CDH22: variants seen among roughly 807,000 people sequenced by gnomAD.
The protein encoded by CDH22 is cadherin-22.
In CDH22, 30 loss-of-function variants were observed where a neutral mutation model predicts 58.4. That is an observed-to-expected ratio of 0.51 (90% CI 0.38 to 0.70). The LOEUF (loss-of-function observed/expected upper bound fraction) is 0.70, where lower values mean the gene tolerates loss of function less well. Ranked by LOEUF, CDH22 falls within the 30% of genes least tolerant of loss-of-function variation. The pLI, the probability that CDH22 is intolerant of heterozygous loss-of-function variation, is 0.00. For missense variants in CDH22, 1,014 were observed against 1,233.9 expected (o/e 0.82, Z 2.67); for synonymous variants, 513 against 558.2 (o/e 0.92, Z 1.14).
chr20:46,182,142 G>A (rs1040811485), intron 10 of CDH22, among the ~76,000 whole-genome samples: 1 of 152,154 alleles, frequency 6.6e-6, no homozygotes, highest in African/African-American at 2.4e-5. Context: ...TTTCTTAAAA[G>A]CAACAGGAGG....
chr20:46,207,213 G>C (rs1380722263), intron 7 of CDH22, among the ~76,000 whole-genome samples: 1 of 152,210 alleles, frequency 6.6e-6, no homozygotes, highest in Non-Finnish European at 1.5e-5. Context: ...GATGAAAGAA[G>C]GTGAGAAGCA....
chr20:46,265,211 C>T (rs540923611), intron 1 of CDH22, among the ~76,000 whole-genome samples: 74 of 152,276 alleles, frequency 4.9e-4, no homozygotes, highest in Non-Finnish European at 7.2e-4. Context: ...ATTTTACAAA[C>T]GCGTCCGGAT....
chr20:46,263,585 G>A (rs2086444556), intron 1 of CDH22, among the ~76,000 whole-genome samples: 1 of 152,180 alleles, frequency 6.6e-6, no homozygotes, highest in Admixed American at 6.5e-5. Context: ...ATTAGGGATG[G>A]GTGGGGCAAG....
intron 7 of CDH22, among the ~76,000 whole-genome samples, chr20:46,209,361 G>T (rs185434880): frequency 4.9e-4 from 74 of 152,256 alleles, no homozygotes; most frequent in Admixed American, 2.9e-3. Flanking sequence ...CAGCAGAGTG[G>T]ACTGGAAAGG....
chr20:46,186,723 G>A lies in CDH22; in HGVS notation c.1546-18C>T. 1 of 1,611,790 alleles carries A rather than the reference G, an allele frequency of 6.2e-7. No individual in the cohort carries two copies. Among genetic ancestry groups the A allele is most frequent in the Non-Finnish European group, 8.5e-7 (1 of 1,178,340 alleles). ...TGGATGAGCTGAAGGGTGAGGAGGG[G>A]ATAGAGGGCTAGTGGTGAGGCTGAG... On this transcript the variant is annotated intron_variant, in intron 9 of 11. Coordinates refer to ENST00000537909, the MANE Select transcript of CDH22 (RefSeq NM_021248.3).
At chr20:46,291,017 C>T (rs933837214) in intron 1 of CDH22, among the ~76,000 whole-genome samples, 3 of 152,166 alleles carry the variant, frequency 2.0e-5, no homozygotes, top group African/African-American at 7.2e-5. Flanking sequence ...GTGGCTCACT[C>T]CTGTAATCCC....
intron 8 of CDH22, among the ~76,000 whole-genome samples, chr20:46,188,032 G>A (rs1348748889): frequency 2.0e-5 from 3 of 152,198 alleles, no homozygotes; most frequent in East Asian, 1.9e-4. Flanking sequence ...AAGTTGGGAC[G>A]TCTTTAAGAT....
rs180942942 is a variant in CDH22 at position 46,195,069 on chromosome 20, T to G, written c.1423+4354A>C. ...TTAATAGTTACCATTGTCACAGCTA[T>G]CTGGTAAACTAAGTATGATTGTCAC... On this transcript the variant is annotated intron_variant, in intron 8 of 11. Transcript: ENST00000537909. Among the ~76,000 whole-genome samples, 7 of 152,350 alleles carry G rather than the reference T, an allele frequency of 4.6e-5. No homozygotes were observed. In the East Asian group the frequency reaches 1.4e-3, roughly 29 times the overall value.
chr20:46,226,289 CTTCT>C (rs2086173979), intron 4 of CDH22, among the ~76,000 whole-genome samples: 1 of 3,544 alleles, frequency 2.8e-4, no homozygotes, highest in Non-Finnish European at 1.0e-3. Context: ...TCTTCTTCTT[CTTCT>C]TTTTTTTTTT....
At chr20:46,200,175 C>T (rs898821074) in intron 7 of CDH22, among the ~76,000 whole-genome samples, 15 of 151,588 alleles carry the variant, frequency 9.9e-5, no homozygotes, top group Non-Finnish European at 2.1e-4. Flanking sequence ...GGGGTTTCAC[C>T]GTGTTAGCCA....
At chr20:46,245,892 C>T (rs1275947312) in intron 2 of CDH22, among the ~76,000 whole-genome samples, 1 of 151,594 alleles carries the variant, frequency 6.6e-6, no homozygotes, top group Non-Finnish European at 1.5e-5. Flanking sequence ...CAGAGAGAGT[C>T]TAAACCCCAC....
chr20:46,194,875 G>T (rs965298187), intron 8 of CDH22, among the ~76,000 whole-genome samples: 1 of 152,048 alleles, frequency 6.6e-6, no homozygotes, highest in Non-Finnish European at 1.5e-5. Context: ...AATTACAGGT[G>T]CCCACCACCA....
At chr20:46,291,119 A>G (rs2086600257) in intron 1 of CDH22, among the ~76,000 whole-genome samples, 1 of 152,166 alleles carries the variant, frequency 6.6e-6, no homozygotes, top group African/African-American at 2.4e-5. Flanking sequence ...TCTACTAAAA[A>G]TACAAAAATT....
chr20:46,252,924 TGGA>T (rs929275948), intron 1 of CDH22, among the ~76,000 whole-genome samples: 5 of 152,112 alleles, frequency 3.3e-5, no homozygotes, highest in Non-Finnish European at 5.9e-5. Context: ...GGTTACTTCT[TGGA>T]GGAGGCGGCA....
intron 3 of CDH22, among the ~76,000 whole-genome samples, 178 bp downstream of exon 3, chr20:46,240,785 G>C (rs1343451312): frequency 2.0e-5 from 3 of 152,112 alleles, no homozygotes; most frequent in Non-Finnish European, 1.5e-5. Context: ...GTGTGGTTTT[G>C]TCCAGGACTA....
chr20:46,174,638 G>A lies in CDH22; in HGVS notation c.2355C>T (p.Leu785=), dbSNP rs749341851. 1.4e-4 allele frequency: 210 copies of A among 1,552,112 alleles called. No individual in the cohort carries two copies. The highest frequency in any genetic ancestry group is 3.5e-4 in the Admixed American group (18 of 51,984). The change falls in exon 12 of 12, where the codon CTC becomes CTT. Residue 785 remains leucine, a synonymous_variant. Transcript: ENST00000537909. This position sits in a 1 kb window ranked among gnomAD's most constrained non-coding sequence, Gnocchi z 4.4. The stretch of plus-strand genomic sequence containing the variant: ...CCGACGAGCCGCTGTGCAGGGAGCT[G>A]AGCGAGGCGGCCGGCGAGTCCGCGC... ...FEGADSPAAS[L]SSLHSGSSGS...
At chr20:46,221,330 T>G (rs966137554) in intron 4 of CDH22, among the ~76,000 whole-genome samples, 2 of 151,654 alleles carry the variant, frequency 1.3e-5, no homozygotes, top group African/African-American at 4.8e-5. Context: ...AGAAATCCAG[T>G]TGGCTGGGCC....
intron 1 of CDH22, among the ~76,000 whole-genome samples, chr20:46,269,855 G>A (rs2086478785): frequency 6.6e-6 from 1 of 152,180 alleles, no homozygotes; most frequent in South Asian, 2.1e-4. Context: ...TTCCAGCCTT[G>A]TGACTTCTTC....
At chr20:46,256,474 C>T (rs924192391) in intron 1 of CDH22, among the ~76,000 whole-genome samples, 1 of 152,144 alleles carries the variant, frequency 6.6e-6, no homozygotes, top group Non-Finnish European at 1.5e-5. Flanking sequence ...GCTGAGGCAA[C>T]AGCAGGTGCA....
Sources: gnomAD v4.1 joint callset for allele counts (sites outside exome capture counted in the v4.1 genomes callset) on GRCh38, gnomAD v4.1.1 for gene constraint, Gnocchi (gnomAD v3.1) non-coding constraint, MANE v1.5 for transcripts, NCBI Gene and HGNC (gene_info 2026-07-23, HGNC 2026-07-21) for gene names.